The following SPTBN1 variants were observed in gnomAD, a reference collection of about 807,000 sequenced individuals.
SPTBN1 encodes spectrin beta, non-erythrocytic 1.
In SPTBN1, 32 loss-of-function variants were observed where a neutral mutation model predicts 266.4. The ratio of observed to expected loss-of-function variants is 0.12; its 90% CI spans 0.09 to 0.16. SPTBN1 has a LOEUF of 0.16. Ranked by LOEUF, SPTBN1 falls within the 10% of genes least tolerant of loss-of-function variation. The pLI is 1.00. For synonymous variants in SPTBN1, 1,336 were observed against 1,162.2 expected (o/e 1.15, Z -3.04); for missense variants, 2,296 against 3,067.1 (o/e 0.75, Z 5.94).
chr2:54,491,904 C>G lies in SPTBN1; in HGVS notation c.-47-34468C>G, dbSNP rs528431933. Among the ~76,000 whole-genome samples, 339 of 152,260 alleles carry G rather than the reference C, an allele frequency of 2.2e-3. 1 individual carries two copies. The highest frequency in any genetic ancestry group is 3.8e-3 in the Non-Finnish European group (261 of 68,002). ...ATGAGCCACTGCACCCAGTTTGTTT[C>G]TCTCTTTTTTAAATCCAAATTTTTC... On this transcript the variant is annotated intron_variant, in intron 1 of 35. Transcript: ENST00000356805.
At chr2:54,616,394 C>A in intron 5 of SPTBN1, 96 bp downstream of exon 5, 2 of 1,037,942 alleles carry the variant, frequency 1.9e-6, no homozygotes, top group Non-Finnish European at 2.8e-6. Flanking sequence ...ATCTTTTCCA[C>A]TGCTTCCATT....
At position 54,533,140 on chromosome 2, in the gene SPTBN1, G is replaced by A. The variant is rs191108711; in HGVS notation, c.148+6574G>A. On this transcript the variant is annotated intron_variant, in intron 2 of 35. Transcript: ENST00000356805. The surrounding 1 kb of genome is among the most constrained non-coding windows in gnomAD (Gnocchi z 4.2). ...GCTAAGTGACTAACAGGGAGCGTCT[G>A]CAGTGTGTGTCTGCTGGACAAAGGG... Among the ~76,000 whole-genome samples the A allele has an allele frequency of 5.4e-4, 83 of 152,294 alleles. No individual in the cohort carries two copies. The highest frequency in any genetic ancestry group is 1.9e-3 in the African/African-American group (81 of 41,566).
At chr2:54,629,866 A>C in intron 14 of SPTBN1, 26 bp from the exon 15 acceptor site, 4 of 1,613,858 alleles carry the variant, frequency 2.5e-6, no homozygotes, top group Non-Finnish European at 2.5e-6. Context: ...CCAGGAGGTG[A>C]CCACCCTGTC....
intron 29 of SPTBN1, 37 bp from the exon 30 acceptor site, chr2:54,657,813 C>CT (rs751230691): frequency 6.2e-7 from 1 of 1,613,240 alleles, no homozygotes; most frequent in Non-Finnish European, 8.5e-7. Flanking sequence ...CCGGCACCTC[C>CT]TGGTCAACGT....
chr2:54,656,579 G>T (rs1680676902), intron 29 of SPTBN1, among the ~76,000 whole-genome samples: 1 of 152,160 alleles, frequency 6.6e-6, no homozygotes, highest in Non-Finnish European at 1.5e-5. Flanking sequence ...TTCATAATTG[G>T]TATGAGCACT....
At chr2:54,568,191 G>C (rs967665871) in intron 2 of SPTBN1, among the ~76,000 whole-genome samples, 2 of 152,014 alleles carry the variant, frequency 1.3e-5, no homozygotes, top group African/African-American at 4.8e-5. Context: ...GACCAGCCTG[G>C]CCAAGATGGT....
intron 1 of SPTBN1, among the ~76,000 whole-genome samples, chr2:54,473,957 T>C (rs1052156774): frequency 6.6e-6 from 1 of 152,204 alleles, no homozygotes; most frequent in Non-Finnish European, 1.5e-5. Context: ...TTATATCTAC[T>C]GGGGGATGCA....
chr2:54,596,599 C>T (rs193196076), intron 2 of SPTBN1, among the ~76,000 whole-genome samples: 5 of 152,284 alleles, frequency 3.3e-5, no homozygotes, highest in South Asian at 2.1e-4. Context: ...TCTTGCACTT[C>T]GTGGGGCCTG....
chr2:54,467,665 G>A (rs1201043057), intron 1 of SPTBN1, among the ~76,000 whole-genome samples: 2 of 152,118 alleles, frequency 1.3e-5, no homozygotes, highest in Non-Finnish European at 2.9e-5. Context: ...GATTACAGGC[G>A]TGAGCCACCG....
In SPTBN1 at chr2:54,670,202, A is replaced by G. The variant is rs1264346989; in HGVS notation, c.*1633A>G. 1 of 152,600 alleles carries G rather than the reference A, an allele frequency of 6.6e-6. No homozygotes were observed. The highest frequency in any genetic ancestry group is 1.5e-5 in the Non-Finnish European group (1 of 68,406). 9.5% of individuals were successfully genotyped at this position (152,600 alleles called of 1,614,324 possible). ...AAGTCTATTTTATACAGATCAGACC[A>G]AAAAGAAGAAAAAAAAAAAACAGGC... On this transcript the variant is annotated 3_prime_UTR_variant, in exon 36 of 36. Transcript: ENST00000356805.
At chr2:54,656,419 T>C (rs1337180979) in intron 29 of SPTBN1, among the ~76,000 whole-genome samples, 1 of 152,254 alleles carries the variant, frequency 6.6e-6, no homozygotes, top group Non-Finnish European at 1.5e-5. Flanking sequence ...TTGCTGTGAA[T>C]GAGGCATTGT....
chr2:54,520,478 AT>A (rs1670371442), intron 1 of SPTBN1: 1 of 152,232 alleles, frequency 6.6e-6, no homozygotes, highest in Non-Finnish European at 1.5e-5. Context: ...GTTTGAAGAA[AT>A]GAATTTAGTG....
chr2:54,493,412 T>TGGGCGG (rs1668795199), intron 1 of SPTBN1, among the ~76,000 whole-genome samples: 2 of 146,698 alleles, frequency 1.4e-5, no homozygotes, highest in South Asian at 4.4e-4. Context: ...TTTTCTTTTT[T>TGGGCGG]GGGGGGTTGG....
chr2:54,533,349 AGTGTGT>A lies in SPTBN1; in HGVS notation c.148+6824_148+6829del, dbSNP rs56027497. On this transcript the variant is annotated intron_variant, in intron 2 of 35. Coordinates refer to ENST00000356805, the MANE Select transcript of SPTBN1 (RefSeq NM_003128.3). This position sits in a 1 kb window ranked among gnomAD's most constrained non-coding sequence, Gnocchi z 4.2. ...AGTGAAACCCAGGCTAAAGGGGACT[AGTGTGT>A]GTGTGTGTGTGTGTGTGTGTGTGTG... Among the ~76,000 whole-genome samples, 19,560 of 141,812 alleles carry A rather than the reference AGTGTGT, an allele frequency of 0.14. 1,327 individuals are homozygous for A. Among genetic ancestry groups the A allele is most frequent in the Admixed American group, 0.18 (2,504 of 14,144 alleles). The allele number at this position is 141,812 out of a possible 152,430, so 93.0% of individuals were successfully genotyped here.
At chr2:54,459,484 G>GGATTT (rs1163119826) in intron 1 of SPTBN1, among the ~76,000 whole-genome samples, 8 of 152,172 alleles carry the variant, frequency 5.3e-5, no homozygotes, top group Admixed American at 2.6e-4. Context: ...TGACGTGGAA[G>GGATTT]GATTTTACTA....
intron 2 of SPTBN1, among the ~76,000 whole-genome samples, chr2:54,587,856 C>T (rs2104607673): frequency 6.6e-6 from 1 of 152,212 alleles, no homozygotes; most frequent in Middle Eastern, 3.4e-3. Flanking sequence ...TGGAAGGGGC[C>T]CCGAGTTCAC....
intron 2 of SPTBN1, among the ~76,000 whole-genome samples, chr2:54,574,131 C>T (rs1176786194): frequency 2.0e-5 from 3 of 152,032 alleles, no homozygotes; most frequent in East Asian, 3.9e-4. Flanking sequence ...GTAACAATAG[C>T]CAACATTTAT....
chr2:54,579,990 A>G (rs927426071), intron 2 of SPTBN1, among the ~76,000 whole-genome samples: 1 of 152,202 alleles, frequency 6.6e-6, no homozygotes. Flanking sequence ...TGTTGCTAGG[A>G]CAGACCTGTA....
intron 2 of SPTBN1, among the ~76,000 whole-genome samples, chr2:54,579,155 T>G (rs1471101944): frequency 6.6e-6 from 1 of 152,184 alleles, no homozygotes; most frequent in Non-Finnish European, 1.5e-5. Context: ...AGAATAAAGC[T>G]TCCTAGGAGT....
Sources: gnomAD v4.1 joint callset for allele counts (sites outside exome capture counted in the v4.1 genomes callset) on GRCh38, gnomAD v4.1.1 for gene constraint, Gnocchi (gnomAD v3.1) non-coding constraint, MANE v1.5 for transcripts, NCBI Gene and HGNC (gene_info 2026-07-23, HGNC 2026-07-21) for gene names.